The following ADAMTS3 variants were observed in gnomAD, a reference collection of about 807,000 sequenced individuals.
ADAMTS3 encodes A disintegrin and metalloproteinase with thrombospondin motifs 3.
In ADAMTS3, 73 loss-of-function variants were observed where a neutral mutation model predicts 129.0. That is an observed-to-expected ratio of 0.57 (90% CI 0.47 to 0.69). The LOEUF is 0.69. ADAMTS3 is among the 30% of genes least tolerant of loss of function. The pLI, the probability that ADAMTS3 is intolerant of heterozygous loss-of-function variation, is 0.00. For missense variants in ADAMTS3, 1,457 were observed against 1,514.5 expected (o/e 0.96, Z 0.63); for synonymous variants, 477 against 510.8 (o/e 0.93, Z 0.89).
intron 5 of ADAMTS3, among the ~76,000 whole-genome samples, chr4:72,327,079 T>TA (rs1432409585): frequency 5.9e-5 from 9 of 152,202 alleles, no homozygotes; most frequent in Non-Finnish European, 1.2e-4. Flanking sequence ...TTTAAATGCT[T>TA]ACTCATTTGA....
intron 3 of ADAMTS3, among the ~76,000 whole-genome samples, chr4:72,459,642 A>C (rs984942690): frequency 2.6e-5 from 4 of 151,674 alleles, no homozygotes; most frequent in Non-Finnish European, 4.4e-5. Flanking sequence ...CTCAAAATGT[A>C]GCTATTATTA....
At chr4:72,310,453 A>G (rs1336378803) in intron 14 of ADAMTS3, among the ~76,000 whole-genome samples, 1 of 152,122 alleles carries the variant, frequency 6.6e-6, no homozygotes, top group Non-Finnish European at 1.5e-5. Flanking sequence ...TTGATGAAGT[A>G]TAAAGGAAAT....
At chr4:72,419,638 G>T (rs1406780508) in intron 3 of ADAMTS3, among the ~76,000 whole-genome samples, 1 of 152,140 alleles carries the variant, frequency 6.6e-6, no homozygotes, top group South Asian at 2.1e-4. Context: ...AAGCTCATCA[G>T]CTGTCGTTAG....
chr4:72,301,516 A>G (rs1718949014), intron 17 of ADAMTS3, among the ~76,000 whole-genome samples: 1 of 152,160 alleles, frequency 6.6e-6, no homozygotes, highest in Non-Finnish European at 1.5e-5. Flanking sequence ...GAAAAACCCT[A>G]AAAATTGAGT....
At chr4:72,346,381 A>T (rs577145025) in intron 4 of ADAMTS3, among the ~76,000 whole-genome samples, 224 of 152,206 alleles carry the variant, frequency 1.5e-3, no homozygotes, top group Middle Eastern at 6.8e-3. Flanking sequence ...GGTATCTTTT[A>T]TACCTAGTTT....
intron 3 of ADAMTS3, among the ~76,000 whole-genome samples, chr4:72,478,254 G>T (rs1180568400): frequency 6.6e-6 from 1 of 151,956 alleles, no homozygotes; most frequent in African/African-American, 2.4e-5. Flanking sequence ...GAGAATTTTA[G>T]ACCAATATCC....
At chr4:72,543,863 G>T (rs1721396661) in intron 3 of ADAMTS3, among the ~76,000 whole-genome samples, 1 of 152,078 alleles carries the variant, frequency 6.6e-6, no homozygotes, top group East Asian at 1.9e-4. Flanking sequence ...GCTTAAGACG[G>T]TACATTTTAT....
chr4:72,352,798 T>C (rs2109846210), intron 4 of ADAMTS3, among the ~76,000 whole-genome samples: 1 of 152,032 alleles, frequency 6.6e-6, no homozygotes, highest in East Asian at 1.9e-4. Context: ...ACAATGGGCA[T>C]AATGCACGCA....
intron 3 of ADAMTS3, among the ~76,000 whole-genome samples, chr4:72,425,425 C>T (rs988337779): frequency 6.6e-6 from 1 of 151,996 alleles, no homozygotes; most frequent in African/African-American, 2.4e-5. Flanking sequence ...TGTTGGTGTG[C>T]TGCACCCATT....
Position 72,311,214 on chromosome 4 carries a change from A to T in ADAMTS3, c.1922-33T>A, listed in dbSNP as rs80035456. 7 of 1,582,832 alleles carry T rather than the reference A, an allele frequency of 4.4e-6. No homozygotes were observed. The East Asian group carries it at 1.6e-4, about 36-fold the overall frequency. On this transcript the variant is annotated intron_variant, in intron 13 of 21. Coordinates refer to ENST00000286657, the MANE Select transcript of ADAMTS3 (RefSeq NM_014243.3). ...AGATGGAGGATAAAATTAACTATTT[A>T]CATAAAATGGAATGTTTGAACAGCA...
chr4:72,519,742 A>C (rs1024740824), intron 3 of ADAMTS3, among the ~76,000 whole-genome samples: 47 of 152,192 alleles, frequency 3.1e-4, no homozygotes, highest in South Asian at 1.0e-3. Flanking sequence ...CATTCGTCTA[A>C]ATTTTTTTCA....
intron 3 of ADAMTS3, among the ~76,000 whole-genome samples, chr4:72,441,419 A>G (rs1012797324): frequency 3.3e-5 from 5 of 151,768 alleles, no homozygotes; most frequent in East Asian, 2.0e-4. Context: ...CATATCTGGG[A>G]TACAAGTTGT....
chr4:72,381,681 G>C (rs1721291971), intron 4 of ADAMTS3, among the ~76,000 whole-genome samples: 1 of 151,936 alleles, frequency 6.6e-6, no homozygotes, highest in Admixed American at 6.6e-5. Flanking sequence ...GACTGCAAAA[G>C]TGTTATAGCC....
intron 4 of ADAMTS3, 33 bp from the exon 5 acceptor site, chr4:72,339,726 G>A (rs1397615210): frequency 6.3e-7 from 1 of 1,586,936 alleles, no homozygotes; most frequent in Non-Finnish European, 8.6e-7. Context: ...AGGAATTTCA[G>A]TTTCCCTAAC....
chr4:72,291,625 CACATTTTCTT>C (rs1250061291), intron 19 of ADAMTS3, among the ~76,000 whole-genome samples: 1 of 151,620 alleles, frequency 6.6e-6, no homozygotes, highest in Non-Finnish European at 1.5e-5. Context: ...GTATATGTGC[CACATTTTCTT>C]AATCCAGTCT....
At chr4:72,486,615 G>T (rs79424179) in intron 3 of ADAMTS3, among the ~76,000 whole-genome samples, 1,729 of 152,142 alleles carry the variant, frequency 0.011, 34 homozygotes, top group African/African-American at 0.04. Context: ...AAATAGGCAG[G>T]TTTCTGATAA....
chr4:72,363,216 G>A (rs762478199), intron 4 of ADAMTS3, among the ~76,000 whole-genome samples: 8 of 152,038 alleles, frequency 5.3e-5, no homozygotes, highest in Admixed American at 2.0e-4. Context: ...CATATATACC[G>A]CTGATGATCC....
At chr4:72,513,367 C>A (rs568726653) in intron 3 of ADAMTS3, among the ~76,000 whole-genome samples, 2 of 152,252 alleles carry the variant, frequency 1.3e-5, no homozygotes, top group East Asian at 3.9e-4. Context: ...ACCATCTTTC[C>A]CTTTTCAATG....
At chr4:72,560,126 C>A (rs900395344) in intron 2 of ADAMTS3, among the ~76,000 whole-genome samples, 3 of 149,018 alleles carry the variant, frequency 2.0e-5, no homozygotes, top group Admixed American at 6.6e-5. Flanking sequence ...ACTGGCTAGT[C>A]ATATGCAGAA....
Sources: allele counts gnomAD v4.1 joint callset (sites outside exome capture counted in the v4.1 genomes callset), GRCh38; gene constraint gnomAD v4.1.1; transcripts MANE v1.5; gene names NCBI Gene and HGNC (gene_info 2026-07-23, HGNC 2026-07-21).